The following DACH2 variants were observed in gnomAD, a reference collection of about 807,000 sequenced individuals.
DACH2 encodes dachshund family transcription factor 2.
A neutral mutation model predicts 35.8 loss-of-function variants in DACH2; 17 were observed. The observed-to-expected ratio is 0.48, with a 90% CI of 0.33 to 0.71. DACH2 has a LOEUF of 0.71. DACH2 is among the 30% of genes least tolerant of loss of function. The pLI is 0.02. For synonymous variants in DACH2, 195 were observed against 177.3 expected (o/e 1.10, Z -0.79); for missense variants, 469 against 472.7 (o/e 0.99, Z 0.07).
At chrX:86,338,541 C>G (rs1277188675) in intron 1 of DACH2, among the ~76,000 whole-genome samples, 1 of 111,750 alleles carries the variant, frequency 8.9e-6, no homozygotes, top group Non-Finnish European at 1.9e-5. Flanking sequence ...CACAACATAC[C>G]AGAATCTCTG....
At chrX:86,179,873 G>A (rs989359277) in intron 1 of DACH2, among the ~76,000 whole-genome samples, 1 of 109,114 alleles carries the variant, frequency 9.2e-6, no homozygotes, top group Non-Finnish European at 1.9e-5. Flanking sequence ...TTTTTCCTGA[G>A]AAATTAATCA....
At chrX:86,619,862 G>T (rs757724393) in intron 3 of DACH2, among the ~76,000 whole-genome samples, 1 of 111,812 alleles carries the variant, frequency 8.9e-6, no homozygotes, top group Non-Finnish European at 1.9e-5. Context: ...TGCTATATAG[G>T]CAAACATTAA....
intron 7 of DACH2, among the ~76,000 whole-genome samples, chrX:86,800,925 C>T (rs1474287344): frequency 1.8e-5 from 2 of 111,016 alleles, no homozygotes; most frequent in Non-Finnish European, 3.8e-5. Flanking sequence ...CCACCTCAGC[C>T]GCCCAAAGTG....
chrX:86,668,423 C>A (rs1406654657), intron 4 of DACH2, among the ~76,000 whole-genome samples: 1 of 112,253 alleles, frequency 8.9e-6, no homozygotes. Context: ...AATTTATAGT[C>A]TCTAAGTACA....
chrX:86,475,081 C>T (rs914342207), intron 2 of DACH2, among the ~76,000 whole-genome samples: 2 of 111,584 alleles, frequency 1.8e-5, no homozygotes, highest in Non-Finnish European at 3.8e-5. Context: ...ATTCCTACAG[C>T]TCTGTAGTAT....
At chrX:86,537,217 G>A (rs773968162) in intron 3 of DACH2, among the ~76,000 whole-genome samples, 1 of 111,689 alleles carries the variant, frequency 9.0e-6, no homozygotes, top group Non-Finnish European at 1.9e-5. Context: ...AGCTATGGCT[G>A]CGTGGCTTAA....
At chrX:86,424,886 G>T (rs777985341) in intron 2 of DACH2, among the ~76,000 whole-genome samples, 1 of 111,176 alleles carries the variant, frequency 9.0e-6, no homozygotes, top group Non-Finnish European at 1.9e-5. Flanking sequence ...TATCAGGAAA[G>T]AATGTCGAAT....
intron 2 of DACH2, among the ~76,000 whole-genome samples, chrX:86,460,934 G>A (rs1317792506): frequency 1.8e-5 from 2 of 111,199 alleles, no homozygotes; most frequent in African/African-American, 3.3e-5. Context: ...TAATTGTAAC[G>A]TGGCCTCATT....
At chrX:86,150,681 C>T (rs1602235402) in intron 1 of DACH2, among the ~76,000 whole-genome samples, 1 of 111,557 alleles carries the variant, frequency 9.0e-6, no homozygotes, top group East Asian at 2.8e-4. Flanking sequence ...CAAAGGATAA[C>T]AGCTCCCTCA....
Position 86,259,784 on chromosome X carries a change from A to G in DACH2, c.488+110676A>G, listed in dbSNP as rs2033591748. Among the ~76,000 whole-genome samples the G allele has an allele frequency of 2.7e-5, 3 of 111,989 alleles. No individual in the cohort carries two copies. In the East Asian group the frequency reaches 8.5e-4, roughly 32 times the overall value. Reference sequence around the variant, plus strand: ...TAAGTTAAACTTTGAGAAGCTTTAAACAAATCTTTTTTAGCTGACTTCTAT... The same window carrying G: ...TAAGTTAAACTTTGAGAAGCTTTAAGCAAATCTTTTTTAGCTGACTTCTAT... On this transcript the variant is annotated intron_variant, in intron 1 of 11. Transcript: ENST00000373125.
At position 86,378,393 on chromosome X, in the gene DACH2, G is replaced by A. The variant is rs989343917; in HGVS notation, c.527+1531G>A. The stretch of plus-strand genomic sequence containing the variant: ...TCCCTACTGAGGCAAGGATGGTAAC[G>A]TAAATGAAAGACTATAAGAAATACA... On this transcript the variant is annotated intron_variant, in intron 2 of 11. Transcript: ENST00000373125. Among the ~76,000 whole-genome samples the A allele has an allele frequency of 2.0e-4, 22 of 110,136 alleles. 1 individual carries two copies. Among genetic ancestry groups the A allele is most frequent in the African/African-American group, 7.2e-4 (22 of 30,485 alleles).
intron 6 of DACH2, among the ~76,000 whole-genome samples, chrX:86,717,870 A>G (rs755328980): frequency 9.3e-6 from 1 of 107,476 alleles, no homozygotes; most frequent in Non-Finnish European, 1.9e-5. Flanking sequence ...ATGCATATGT[A>G]TATATATATC....
At chrX:86,160,249 T>G (rs1264892997) in intron 1 of DACH2, 1 of 1,198,236 alleles carries the variant, frequency 8.3e-7, no homozygotes, top group South Asian at 1.8e-5. Context: ...CCTTCTGAGC[T>G]TTCTGGGCAG....
chrX:86,710,675 A>G (rs1257893436), intron 5 of DACH2, among the ~76,000 whole-genome samples: 2 of 111,952 alleles, frequency 1.8e-5, no homozygotes, highest in African/African-American at 6.5e-5. Flanking sequence ...GTGAATTCAA[A>G]CTGTAGATGT....
chrX:86,426,159 A>G (rs2036890189), intron 2 of DACH2, among the ~76,000 whole-genome samples: 1 of 111,577 alleles, frequency 9.0e-6, no homozygotes, highest in South Asian at 3.7e-4. Context: ...TTGTGTACAC[A>G]TAAAGTTAGC....
chrX:86,454,119 C>T (rs1356273300), intron 2 of DACH2, among the ~76,000 whole-genome samples: 1 of 111,388 alleles, frequency 9.0e-6, no homozygotes, highest in Non-Finnish European at 1.9e-5. Flanking sequence ...TCTCTTCTGG[C>T]TTGTAGGATA....
At chrX:86,813,485 G>A (rs1354288418) in intron 9 of DACH2, among the ~76,000 whole-genome samples, 2 of 106,050 alleles carry the variant, frequency 1.9e-5, no homozygotes, top group African/African-American at 6.8e-5. Context: ...GGTGGTGGGC[G>A]CCTGTAGTCG....
At chrX:86,562,075 CA>C (rs2039228427) in intron 3 of DACH2, among the ~76,000 whole-genome samples, 1 of 108,570 alleles carries the variant, frequency 9.2e-6, no homozygotes, top group Non-Finnish European at 1.9e-5. Context: ...TAAAGCTTCC[CA>C]CCAACACATA....
chrX:86,294,819 T>C (rs1396656666), intron 1 of DACH2, among the ~76,000 whole-genome samples: 3 of 108,681 alleles, frequency 2.8e-5, no homozygotes, highest in Non-Finnish European at 5.7e-5. Flanking sequence ...CACTGCTCTC[T>C]TCAAAGCTGT....
Sources: allele counts gnomAD v4.1 joint callset (sites outside exome capture counted in the v4.1 genomes callset), GRCh38; gene constraint gnomAD v4.1.1; transcripts MANE v1.5; gene names NCBI Gene and HGNC (gene_info 2026-07-23, HGNC 2026-07-21).